The following HELLS variants were observed in gnomAD, a reference collection of about 807,000 sequenced individuals.
HELLS encodes the protein lymphoid-specific helicase.
Under a neutral mutation model 120.0 loss-of-function variants are expected in HELLS, and 32 were observed. The ratio of observed to expected loss-of-function variants is 0.27; its 90% CI spans 0.20 to 0.36. The LOEUF (loss-of-function observed/expected upper bound fraction) is 0.36. HELLS is among the 10% of genes least tolerant of loss of function. The pLI, the probability that HELLS is intolerant of heterozygous loss-of-function variation, is 1.00. For synonymous variants in HELLS, 341 were observed against 323.4 expected (o/e 1.05, Z -0.58); for missense variants, 650 against 993.4 (o/e 0.65, Z 4.65).
At chr10:94,591,206 G>C (rs921405438) in intron 15 of HELLS, among the ~76,000 whole-genome samples, 3 of 152,032 alleles carry the variant, frequency 2.0e-5, no homozygotes, top group Non-Finnish European at 2.9e-5. Flanking sequence ...TAATTGATTT[G>C]TACTCTGCAT....
At chr10:94,598,465 T>A (rs1049391152) in intron 21 of HELLS, among the ~76,000 whole-genome samples, 2 of 151,882 alleles carry the variant, frequency 1.3e-5, no homozygotes, top group African/African-American at 4.8e-5. Flanking sequence ...TCAGTTTTTG[T>A]TTTTTTTGAG....
chr10:94,580,163 A>G (rs1165308904), intron 10 of HELLS, among the ~76,000 whole-genome samples: 1 of 61,240 alleles, frequency 1.6e-5, no homozygotes, highest in Non-Finnish European at 3.1e-5. Flanking sequence ...ATATATATAT[A>G]CACACACACA....
Position 94,546,228 on chromosome 10 carries a change from G to A in HELLS, c.32-149G>A, listed in dbSNP as rs1175013745. ...ACTTGTAGACATTGTGAAGACTTAC[G>A]GTGTCTTCTGAGAGGTGATGCTGGC... is the stretch of plus-strand genomic sequence containing the variant. On this transcript the variant is annotated intron_variant, in intron 1 of 21. Transcript: ENST00000348459. 3.3e-6 allele frequency: 3 copies of A among 918,278 alleles called. No homozygotes were observed. In the Admixed American group the frequency reaches 6.8e-5, roughly 21 times the overall value. 56.9% of individuals were successfully genotyped at this position (918,278 alleles called of 1,614,324 possible).
chr10:94,578,602 G>A (rs1435170563), intron 10 of HELLS, among the ~76,000 whole-genome samples: 1 of 152,048 alleles, frequency 6.6e-6, no homozygotes, highest in Non-Finnish European at 1.5e-5. Flanking sequence ...GCTGAGGCAG[G>A]ATAATTGCTT....
intron 12 of HELLS, among the ~76,000 whole-genome samples, chr10:94,587,445 G>A (rs966479577): frequency 3.9e-5 from 6 of 151,916 alleles, no homozygotes; most frequent in Admixed American, 3.9e-4. Context: ...GTGTGTGTGT[G>A]GAGACAGAGT....
Position 94,593,491 on chromosome 10 carries a change from G to T in HELLS, c.1972-8G>T, listed in dbSNP as rs1489335614. The stretch of plus-strand genomic sequence containing the variant: ...AATCTGTTGTATTTACATCCTTTTT[G>T]CTTTTAGATGCACAGCTTCAACACG... On this transcript the variant is annotated splice_region_variant and splice_polypyrimidine_tract_variant and intron_variant, in intron 17 of 21. Transcript: ENST00000348459. 5.2e-6 allele frequency: 8 copies of T among 1,540,550 alleles called. No individual in the cohort carries two copies. The Admixed American group carries it at 8.6e-5, about 17-fold the overall frequency.
intron 3 of HELLS, among the ~76,000 whole-genome samples, chr10:94,555,083 C>A (rs1200148450): frequency 2.0e-5 from 3 of 152,044 alleles, no homozygotes; most frequent in Non-Finnish European, 4.4e-5. Flanking sequence ...ATTGAGGCTG[C>A]AGTGAACTGT....
chr10:94,553,157 T>C (rs899355677), intron 2 of HELLS, among the ~76,000 whole-genome samples: 1 of 152,196 alleles, frequency 6.6e-6, no homozygotes, highest in African/African-American at 2.4e-5. Context: ...GAGGGTCAAG[T>C]GCAAAATTAA....
Position 94,592,524 on chromosome 10 carries a change from CT to C in HELLS, c.1971+12del. On this transcript the variant is annotated intron_variant, in intron 17 of 21. Coordinates refer to ENST00000348459, the MANE Select transcript of HELLS (RefSeq NM_018063.5). ...AGAGAGAGAAAAAAACGTAAGACTA[CT>C]TATGTCATACATACCAAACTATTCT... 1.4e-6 allele frequency: 2 copies of C among 1,431,304 alleles called. No individual in the cohort carries two copies. Among genetic ancestry groups the C allele is most frequent in the Non-Finnish European group, 1.8e-6 (2 of 1,086,984 alleles). The allele number at this position is 1,431,304 out of a possible 1,614,324, so 88.7% of individuals were successfully genotyped here.
intron 10 of HELLS, among the ~76,000 whole-genome samples, chr10:94,578,813 C>T (rs1844653739): frequency 6.6e-6 from 1 of 152,120 alleles, no homozygotes; most frequent in Non-Finnish European, 1.5e-5. Context: ...TTATAAGGAG[C>T]GCACAACCCA....
intron 12 of HELLS, among the ~76,000 whole-genome samples, chr10:94,583,593 G>T (rs1564605954): frequency 1.3e-5 from 2 of 152,098 alleles, no homozygotes; most frequent in Non-Finnish European, 1.5e-5. Context: ...ACGTGAAGCA[G>T]GAGAGAAGTG....
At chr10:94,590,589 CTG>C (rs1402409403) in intron 14 of HELLS, 37 bp downstream of exon 14, 2 of 1,609,518 alleles carry the variant, frequency 1.2e-6, no homozygotes, top group Admixed American at 1.7e-5. Context: ...ATTCTTTAAA[CTG>C]TGACCATTTT....
At chr10:94,558,746 C>T (rs948967755) in intron 4 of HELLS, among the ~76,000 whole-genome samples, 1 of 151,904 alleles carries the variant, frequency 6.6e-6, no homozygotes, top group Non-Finnish European at 1.5e-5. Flanking sequence ...GGACTACAGG[C>T]GCCCGCCACC....
intron 7 of HELLS, 133 bp from the exon 8 acceptor site, chr10:94,573,827 C>T: frequency 3.7e-6 from 2 of 538,582 alleles, no homozygotes; most frequent in Non-Finnish European, 6.5e-6. Context: ...TTTTTTAATC[C>T]AGGTGTGATC....
At chr10:94,588,990 A>C (rs1845320733) in intron 13 of HELLS, among the ~76,000 whole-genome samples, 1 of 152,040 alleles carries the variant, frequency 6.6e-6, no homozygotes, top group Non-Finnish European at 1.5e-5. Context: ...TCTACTAAAA[A>C]CACAAAATTA....
intron 4 of HELLS, 43 bp downstream of exon 4, chr10:94,558,238 T>G (rs766864753): frequency 6.6e-7 from 1 of 1,523,862 alleles, no homozygotes; most frequent in South Asian, 1.3e-5. Flanking sequence ...ATTTAAATAT[T>G]GAAGAAATAC....
At chr10:94,606,969 T>A (rs1482767812), downstream of HELLS, among the ~76,000 whole-genome samples, 1 of 152,234 alleles carries the variant, frequency 6.6e-6, no homozygotes. Flanking sequence ...TAATCACTTG[T>A]CCTGTGTGAG....
chr10:94,588,401 T>G lies in HELLS; in HGVS notation c.1488+11T>G. ...TTTGGATCCAGTGAGGTATAGTGGT[T>G]TTGAAATGTACTGTAAATGAAACTT... is the stretch of plus-strand genomic sequence containing the variant. On this transcript the variant is annotated intron_variant, in intron 13 of 21. Transcript: ENST00000348459. The G allele has an allele frequency of 1.3e-6, 2 of 1,549,800 alleles. No homozygotes were observed. Among genetic ancestry groups the G allele is most frequent in the Non-Finnish European group, 1.7e-6 (2 of 1,148,326 alleles).
Position 94,588,552 on chromosome 10 carries a change from T to C in HELLS, c.1488+162T>C, listed in dbSNP as rs140402497. Reference sequence around the variant, plus strand: ...TTTACCTGCCTGGCTAAATTTTTTGTATTTTTTTGTAGAGACTGGCATTTC... The same window carrying C: ...TTTACCTGCCTGGCTAAATTTTTTGCATTTTTTTGTAGAGACTGGCATTTC... On this transcript the variant is annotated intron_variant, in intron 13 of 21. Coordinates refer to ENST00000348459, the MANE Select transcript of HELLS (RefSeq NM_018063.5). 4.6e-5 allele frequency among the ~76,000 whole-genome samples: 7 copies of C among 152,314 alleles called. No individual in the cohort carries two copies. In the East Asian group the frequency reaches 1.4e-3, roughly 29 times the overall value.
Sources: gnomAD v4.1 joint callset for allele counts (sites outside exome capture counted in the v4.1 genomes callset) on GRCh38, gnomAD v4.1.1 for gene constraint, MANE v1.5 for transcripts, NCBI Gene and HGNC (gene_info 2026-07-23, HGNC 2026-07-21) for gene names.